Variants in DST observed in about 807,000 individuals in gnomAD.
The protein encoded by DST is dystonin.
A neutral mutation model predicts 875.2 loss-of-function variants in DST; 253 were observed. The observed-to-expected ratio is 0.29, with a 90% CI of 0.26 to 0.32. DST has a LOEUF of 0.32. Ranked by LOEUF, DST falls within the 10% of genes least tolerant of loss-of-function variation. The pLI is 1.00. For missense variants in DST, 8,287 were observed against 9,111.6 expected (o/e 0.91, Z 3.68); for synonymous variants, 3,124 against 3,197.1 (o/e 0.98, Z 0.77).
At chr6:56,898,100 T>C (rs918978484) in intron 3 of DST, among the ~76,000 whole-genome samples, 3 of 152,222 alleles carry the variant, frequency 2.0e-5, no homozygotes, top group African/African-American at 7.2e-5. Context: ...TTCCTGCAGA[T>C]ACACAGAGCA....
At chr6:56,600,320 A>G in intron 44 of DST, 99 bp from the exon 45 acceptor site, 1 of 1,183,536 alleles carries the variant, frequency 8.4e-7, no homozygotes, top group South Asian at 1.4e-5. Flanking sequence ...AGTTTTGTCT[A>G]ATAAGCTTTT....
intron 4 of DST, among the ~76,000 whole-genome samples, chr6:56,766,234 AAGAACACATG>A (rs1450353512): frequency 1.3e-5 from 2 of 152,214 alleles, no homozygotes; most frequent in African/African-American, 2.4e-5. Context: ...CTTATAAAAC[AAGAACACATG>A]AGAACACATG....
intron 22 of DST, among the ~76,000 whole-genome samples, chr6:56,638,138 G>T (rs981773757): frequency 3.9e-5 from 6 of 151,986 alleles, no homozygotes; most frequent in Admixed American, 1.3e-4. Context: ...ACATAAAAGT[G>T]ATCAGAGTGA....
Position 56,509,567 on chromosome 6 carries a change from C to G in DST, c.19012+75G>C, listed in dbSNP as rs1046810895. ...TTTTTAAGATGCGGCATTTTGTTAT[C>G]CAATTGGACGGTGAGTAAACCGCAT... is the stretch of plus-strand genomic sequence containing the variant. On this transcript the variant is annotated intron_variant, in intron 74 of 103. Coordinates refer to ENST00000680361, the MANE Select transcript of DST (RefSeq NM_001374736.1). 9 of 1,121,126 alleles carry G rather than the reference C, an allele frequency of 8.0e-6. No homozygotes were observed. The African/African-American group carries it at 9.3e-5, about 12-fold the overall frequency. 69.4% of individuals were successfully genotyped at this position (1,121,126 alleles called of 1,614,324 possible).
chr6:56,497,755 G>C, intron 81 of DST, 101 bp downstream of exon 81: 2 of 1,125,508 alleles, frequency 1.8e-6, no homozygotes, highest in East Asian at 2.6e-5. Flanking sequence ...CTCTCCTTAA[G>C]GTATAAAAAT....
At chr6:56,800,201 T>G (rs1471206621) in intron 4 of DST, among the ~76,000 whole-genome samples, 3 of 152,194 alleles carry the variant, frequency 2.0e-5, no homozygotes, top group African/African-American at 7.2e-5. Flanking sequence ...GAAGGGGAAC[T>G]GAAACACTTC....
intron 50 of DST, among the ~76,000 whole-genome samples, chr6:56,576,113 T>C (rs1315178594): frequency 2.0e-5 from 3 of 152,110 alleles, no homozygotes; most frequent in African/African-American, 4.8e-5. Flanking sequence ...GAAGCTGCCA[T>C]AAAAACCCAA....
intron 2 of DST, among the ~76,000 whole-genome samples, chr6:56,921,412 A>T: frequency 6.6e-6 from 1 of 152,222 alleles, no homozygotes; most frequent in East Asian, 1.9e-4. Flanking sequence ...AGTAAATTTT[A>T]TTTTTAAATA....
intron 4 of DST, among the ~76,000 whole-genome samples, chr6:56,744,928 A>G (rs1227291920): frequency 6.6e-6 from 1 of 152,136 alleles, no homozygotes; most frequent in Non-Finnish European, 1.5e-5. Context: ...ATTATGGTTT[A>G]TTTCTATTAG....
In DST at chr6:56,572,751, A is replaced by C. The variant is rs771936096; in HGVS notation, c.13550T>G (p.Met4517Arg). ...TGAGTAGTAAGGGAGGCATACCTGC[A>C]TATACTGAGACAATTCAGTAACATC... ...GKDVTELSQY[M>R]QESTSEFLEH... Residue 4517 changes from methionine (M) to arginine (R), a missense_variant, in exon 52 of 104, where the codon ATG becomes AGG. Transcript: ENST00000680361. 1 of 1,582,894 alleles carries C rather than the reference A, an allele frequency of 6.3e-7. No homozygotes were observed.
intron 3 of DST, chr6:56,871,186 T>C (rs925299841): frequency 8.1e-6 from 6 of 744,062 alleles, no homozygotes; most frequent in Non-Finnish European, 1.5e-5. Flanking sequence ...AGGTAGTCTG[T>C]GAAAATGGTT....
chr6:56,897,168 T>C (rs1161000091), intron 3 of DST, among the ~76,000 whole-genome samples: 1 of 152,116 alleles, frequency 6.6e-6, no homozygotes, highest in Non-Finnish European at 1.5e-5. Context: ...ATCGGTTTCA[T>C]TCTCCTACAT....
intron 2 of DST, among the ~76,000 whole-genome samples, chr6:56,948,333 T>C (rs1233747156): frequency 6.6e-6 from 1 of 152,202 alleles, no homozygotes; most frequent in Non-Finnish European, 1.5e-5. Context: ...TCTTGCACTA[T>C]GGGGCCATTA....
intron 4 of DST, among the ~76,000 whole-genome samples, chr6:56,816,661 A>G (rs2099766886): frequency 6.6e-6 from 1 of 152,200 alleles, no homozygotes; most frequent in Non-Finnish European, 1.5e-5. Context: ...GGAATCCCCT[A>G]TCGCGTGCAG....
At chr6:56,492,888 C>G in intron 84 of DST, 46 bp downstream of exon 84, 1 of 1,315,102 alleles carries the variant, frequency 7.6e-7, no homozygotes, top group Non-Finnish European at 1.0e-6. Flanking sequence ...AAAAAAAAAG[C>G]CTGGTGTCTG....
intron 5 of DST, among the ~76,000 whole-genome samples, chr6:56,726,239 T>C (rs187579751): frequency 2.5e-4 from 38 of 152,314 alleles, no homozygotes; most frequent in Admixed American, 1.2e-3. Flanking sequence ...ACCTCTCTGA[T>C]TACAGGTTTC....
intron 2 of DST, among the ~76,000 whole-genome samples, chr6:56,952,399 T>C (rs1344596491): frequency 1.3e-5 from 2 of 152,206 alleles, no homozygotes; most frequent in Non-Finnish European, 2.9e-5. Flanking sequence ...TATTTTGGTG[T>C]TTGCACTCTG....
At chr6:56,512,661 A>G (rs2096500045) in intron 72 of DST, among the ~76,000 whole-genome samples, 1 of 152,198 alleles carries the variant, frequency 6.6e-6, no homozygotes. Flanking sequence ...CAGGATGGCC[A>G]CATACCTAGA....
intron 50 of DST, among the ~76,000 whole-genome samples, chr6:56,577,528 C>A (rs180911280): frequency 1.3e-5 from 2 of 152,234 alleles, no homozygotes; most frequent in East Asian, 3.9e-4. Flanking sequence ...GGCTGAAGAT[C>A]ATTTTTGACA....
Sources: gnomAD v4.1 joint callset for allele counts (sites outside exome capture counted in the v4.1 genomes callset) on GRCh38, gnomAD v4.1.1 for gene constraint, MANE v1.5 for transcripts, NCBI Gene and HGNC (gene_info 2026-07-23, HGNC 2026-07-21) for gene names.